The following PHF20 variants were observed in gnomAD, a reference collection of about 807,000 sequenced individuals.
The protein encoded by PHF20 is PHD finger protein 20.
In PHF20, 23 loss-of-function variants were observed where a neutral mutation model predicts 113.5. That is an observed-to-expected ratio of 0.20 (90% confidence interval 0.15 to 0.29). The LOEUF is 0.29. Ranked by LOEUF, PHF20 falls within the 10% of genes least tolerant of loss-of-function variation. PHF20 has a pLI of 1.00. For synonymous variants in PHF20, 434 were observed against 457.3 expected (o/e 0.95, Z 0.65); for missense variants, 943 against 1,219.6 (o/e 0.77, Z 3.38).
intron 6 of PHF20, among the ~76,000 whole-genome samples, chr20:35,868,537 C>T (rs2054359381): frequency 6.6e-6 from 1 of 152,058 alleles, no homozygotes; most frequent in Non-Finnish European, 1.5e-5. Context: ...ACCCAGGAGG[C>T]AGAGGTAGCA....
At chr20:35,870,080 A>C (rs2054390788) in intron 7 of PHF20, among the ~76,000 whole-genome samples, 1 of 151,866 alleles carries the variant, frequency 6.6e-6, no homozygotes, top group Non-Finnish European at 1.5e-5. Context: ...TGAGGTGGGC[A>C]GATCATGAGG....
chr20:35,841,893 T>C (rs1212496440), intron 2 of PHF20, among the ~76,000 whole-genome samples: 1 of 152,216 alleles, frequency 6.6e-6, no homozygotes, highest in Non-Finnish European at 1.5e-5. Context: ...TATTGGCACA[T>C]GTAAAATCTA....
At chr20:35,804,900 TA>T (rs1226581862) in intron 2 of PHF20, among the ~76,000 whole-genome samples, 3 of 152,140 alleles carry the variant, frequency 2.0e-5, no homozygotes, top group African/African-American at 7.2e-5. Context: ...TTTTTATTAT[TA>T]TTTTTTTGAA....
rs917358434 is a variant in PHF20 at position 35,949,982 on chromosome 20, G to A, written c.*2355G>A. The A allele has an allele frequency of 1.3e-5, 2 of 152,376 alleles. No homozygotes were observed. Among genetic ancestry groups the A allele is most frequent in the Admixed American group, 1.3e-4 (2 of 15,272 alleles). 9.4% of individuals were successfully genotyped at this position (152,376 alleles called of 1,614,324 possible). On this transcript the variant is annotated 3_prime_UTR_variant, in exon 18 of 18. Transcript: ENST00000374012. ...GCAGGAGAGGTGCTGGAACCTGGGAGGCGGAGGTTGAAGTGAGCCGAGATT... is the reference window on the plus strand; with the variant it reads ...GCAGGAGAGGTGCTGGAACCTGGGAAGCGGAGGTTGAAGTGAGCCGAGATT...
chr20:35,805,354 TTTATTATTA>T lies in PHF20; in HGVS notation c.83+3785_83+3793del, dbSNP rs3056929. On this transcript the variant is annotated intron_variant, in intron 2 of 17. Coordinates refer to ENST00000374012, the MANE Select transcript of PHF20 (RefSeq NM_016436.5). ...AGGCACATGCCACCACGCCTGATTT[TTTATTATTA>T]TTATTATTATTATTATTATTATTAT... Among the ~76,000 whole-genome samples, 456 of 125,186 alleles carry T rather than the reference TTTATTATTA, an allele frequency of 3.6e-3. 2 individuals are homozygous for T. The highest frequency in any genetic ancestry group is 0.012 in the Middle Eastern group (3 of 254). The allele number at this position is 125,186 out of a possible 152,430, so 82.1% of individuals were successfully genotyped here.
Position 35,901,162 on chromosome 20 carries a change from C to A in PHF20, c.1561+1514C>A, listed in dbSNP as rs140314058. Among the ~76,000 whole-genome samples, 19 of 152,174 alleles carry A rather than the reference C, an allele frequency of 1.2e-4. 1 individual carries two copies. In the South Asian group the frequency reaches 3.9e-3, roughly 32 times the overall value. ...ATGCTTAGGCGGACATAGTGGCTCA[C>A]ACCTGAAATCCCAGCACTTTGGGAG... On this transcript the variant is annotated intron_variant, in intron 10 of 17. Coordinates refer to ENST00000374012, the MANE Select transcript of PHF20 (RefSeq NM_016436.5).
At chr20:35,808,793 C>T (rs1219252326) in intron 2 of PHF20, among the ~76,000 whole-genome samples, 2 of 151,302 alleles carry the variant, frequency 1.3e-5, no homozygotes, top group Non-Finnish European at 2.9e-5. Flanking sequence ...AGGATGGTCT[C>T]GATCTCCTGA....
At chr20:35,810,487 C>A (rs1350423729) in intron 2 of PHF20, among the ~76,000 whole-genome samples, 3 of 152,106 alleles carry the variant, frequency 2.0e-5, no homozygotes, top group Non-Finnish European at 4.4e-5. Context: ...CCCATAAAAG[C>A]CCTGCCACAC....
intron 4 of PHF20, among the ~76,000 whole-genome samples, chr20:35,854,809 G>A (rs7273668): frequency 0.1 from 15,241 of 152,144 alleles, 816 homozygotes; most frequent in South Asian, 0.16. Context: ...TTGGAGGTCA[G>A]TAGACAGGCT....
In PHF20 at chr20:35,949,227, G is replaced by A. The variant is rs995316890; in HGVS notation, c.*1600G>A. The A allele has an allele frequency of 8.5e-5, 13 of 152,568 alleles. No individual in the cohort carries two copies. The East Asian group carries it at 2.5e-3, about 29-fold the overall frequency. The allele number at this position is 152,568 out of a possible 1,614,324, so 9.5% of individuals were successfully genotyped here. A position where few individuals can be genotyped will look rare whatever the true frequency, so the allele number is the denominator to read the frequency against. ...AGGCTGTTTCTCACTGCTAACGTTG[G>A]TGTTTCTGGCGTGGGAAGAAATGCA... On this transcript the variant is annotated 3_prime_UTR_variant, in exon 18 of 18. Coordinates refer to ENST00000374012, the MANE Select transcript of PHF20 (RefSeq NM_016436.5).
At chr20:35,792,371 T>A (rs1446037469) in intron 1 of PHF20, among the ~76,000 whole-genome samples, 3 of 152,036 alleles carry the variant, frequency 2.0e-5, no homozygotes, top group Non-Finnish European at 2.9e-5. Context: ...GTATTTTTAG[T>A]AGAGACGGGG....
At chr20:35,901,278 G>A (rs947939699) in intron 10 of PHF20, among the ~76,000 whole-genome samples, 2 of 151,992 alleles carry the variant, frequency 1.3e-5, no homozygotes, top group Non-Finnish European at 2.9e-5. Context: ...AGCCAGGCGT[G>A]GTGGCAGGTG....
At chr20:35,902,664 TA>T (rs2055119813) in intron 10 of PHF20, among the ~76,000 whole-genome samples, 2 of 152,226 alleles carry the variant, frequency 1.3e-5, no homozygotes, top group Non-Finnish European at 2.9e-5. Context: ...TGTTGAGTAA[TA>T]TGTGTCAGCT....
At chr20:35,843,567 G>T (rs2042569771) in intron 3 of PHF20, among the ~76,000 whole-genome samples, 1 of 147,180 alleles carries the variant, frequency 6.8e-6, no homozygotes, top group Non-Finnish European at 1.5e-5. Context: ...GTAGAACGTT[G>T]TACTAAGTCT....
chr20:35,863,239 A>G lies in PHF20; in HGVS notation c.647A>G (p.Asn216Ser), dbSNP rs2054250995. Reference protein sequence around the residue: ...GKVSEKSLPKNEKEDKENISE... With the variant: ...GKVSEKSLPKSEKEDKENISE... The stretch of plus-strand genomic sequence containing the variant: ...GTGTCAGAGAAAAGTCTTCCCAAGA[A>G]CGAGAAGGAAGACAAGGAAAACATT... The change falls in exon 6 of 18, where the codon AAC becomes AGC. Residue 216 changes from asparagine to serine, a missense_variant. Physicochemically the swap from Asn to Ser is conservative, Grantham distance 46 (BLOSUM62 1). Coordinates refer to ENST00000374012, the MANE Select transcript of PHF20 (RefSeq NM_016436.5). 1 of 1,614,196 alleles carries G rather than the reference A, an allele frequency of 6.2e-7. No homozygotes were observed. The highest frequency in any genetic ancestry group is 8.5e-7 in the Non-Finnish European group (1 of 1,180,014).
chr20:35,936,645 A>G (rs904385148), intron 15 of PHF20, among the ~76,000 whole-genome samples: 1 of 152,230 alleles, frequency 6.6e-6, no homozygotes, highest in Non-Finnish European at 1.5e-5. Flanking sequence ...TAGAAGCTTT[A>G]TCATTAATGA....
intron 1 of PHF20, among the ~76,000 whole-genome samples, chr20:35,790,035 T>G (rs1406155897): frequency 1.3e-5 from 2 of 151,492 alleles, no homozygotes; most frequent in Non-Finnish European, 2.9e-5. Context: ...TTTTTTGTGT[T>G]TAGTAGAGAT....
At chr20:35,875,321 C>T (rs1014389424) in intron 9 of PHF20, among the ~76,000 whole-genome samples, 1 of 151,728 alleles carries the variant, frequency 6.6e-6, no homozygotes. Flanking sequence ...TTGCTTAAAC[C>T]CAGAAGGCAG....
At chr20:35,791,537 G>GTGTATATATA (rs372219422) in intron 1 of PHF20, among the ~76,000 whole-genome samples, 92 of 127,208 alleles carry the variant, frequency 7.2e-4, no homozygotes, top group African/African-American at 2.3e-3. Context: ...TTAGAATAGT[G>GTGTATATATA]TATATATATA....
Sources: gnomAD v4.1 joint callset for allele counts (sites outside exome capture counted in the v4.1 genomes callset) on GRCh38, gnomAD v4.1.1 for gene constraint, MANE v1.5 for transcripts, NCBI Gene and HGNC (gene_info 2026-07-23, HGNC 2026-07-21) for gene names.